CHST11: variants seen among roughly 807,000 people sequenced by gnomAD.
The protein encoded by CHST11 is C4S-1.
A neutral mutation model predicts 30.4 loss-of-function variants in CHST11; 9 were observed. That is an observed-to-expected ratio of 0.30 (90% confidence interval 0.18 to 0.52). CHST11 has a LOEUF of 0.52. CHST11 is among the 20% of genes least tolerant of loss of function. CHST11 has a pLI of 0.97. For missense variants in CHST11, 348 were observed against 460.6 expected (o/e 0.76, Z 2.24); for synonymous variants, 152 against 187.8 (o/e 0.81, Z 1.56).
chr12:104,687,257 C>T (rs917819743), intron 2 of CHST11, among the ~76,000 whole-genome samples: 5 of 152,264 alleles, frequency 3.3e-5, no homozygotes, highest in African/African-American at 9.6e-5. Context: ...ACCTTGTTCT[C>T]ATTTGGGTGG....
At chr12:104,499,830 T>C (rs2037835425) in intron 1 of CHST11, among the ~76,000 whole-genome samples, 1 of 152,200 alleles carries the variant, frequency 6.6e-6, no homozygotes, top group African/African-American at 2.4e-5. Context: ...CTGCCCCCTG[T>C]GGCCATGGGA....
chr12:104,546,461 C>CAAAA (rs760073702), intron 1 of CHST11, among the ~76,000 whole-genome samples: 2 of 66,816 alleles, frequency 3.0e-5, no homozygotes, highest in Admixed American at 1.7e-4. Context: ...GACCCTGTCT[C>CAAAA]AAAAAAAAAA....
chr12:104,526,466 C>G (rs1425019251), intron 1 of CHST11, among the ~76,000 whole-genome samples: 1 of 152,178 alleles, frequency 6.6e-6, no homozygotes, highest in South Asian at 2.1e-4. Context: ...ATTGATGGCC[C>G]TTCTGGCATG....
At chr12:104,609,848 A>G (rs1005010512) in intron 2 of CHST11, among the ~76,000 whole-genome samples, 1 of 152,160 alleles carries the variant, frequency 6.6e-6, no homozygotes, top group African/African-American at 2.4e-5. Context: ...GCTCTGTAAT[A>G]TAGGCTCAGA....
At chr12:104,680,161 T>G (rs930487238) in intron 2 of CHST11, among the ~76,000 whole-genome samples, 3 of 152,214 alleles carry the variant, frequency 2.0e-5, no homozygotes, top group Non-Finnish European at 2.9e-5. Flanking sequence ...AGGGGCATAC[T>G]TTCTGGTTGA....
intron 1 of CHST11, among the ~76,000 whole-genome samples, chr12:104,494,683 T>C (rs1395036463): frequency 6.6e-6 from 1 of 152,158 alleles, no homozygotes; most frequent in Non-Finnish European, 1.5e-5. Context: ...GAATAATAAC[T>C]GTGGGGTGGG....
intron 1 of CHST11, among the ~76,000 whole-genome samples, chr12:104,500,322 A>C (rs2037840800): frequency 6.6e-6 from 1 of 152,048 alleles, no homozygotes; most frequent in African/African-American, 2.4e-5. Flanking sequence ...GTTTTTTTAC[A>C]TTGGGAGGTA....
intron 1 of CHST11, among the ~76,000 whole-genome samples, chr12:104,508,378 G>T (rs1460560650): frequency 2.0e-5 from 3 of 152,176 alleles, no homozygotes; most frequent in African/African-American, 7.2e-5. Flanking sequence ...CTCTGCCAGG[G>T]TTGTCGTGTG....
intron 1 of CHST11, among the ~76,000 whole-genome samples, chr12:104,593,257 A>T (rs1057230176): frequency 6.6e-6 from 1 of 152,206 alleles, no homozygotes; most frequent in Non-Finnish European, 1.5e-5. Context: ...GATTATTCTC[A>T]AATCAAATCA....
chr12:104,583,104 T>G (rs924812616), intron 1 of CHST11, among the ~76,000 whole-genome samples: 6 of 152,198 alleles, frequency 3.9e-5, no homozygotes, highest in Admixed American at 6.5e-5. Flanking sequence ...TGTTGTATAC[T>G]GGGGCCATGC....
chr12:104,592,059 G>T (rs1207268178), intron 1 of CHST11, among the ~76,000 whole-genome samples: 1 of 151,714 alleles, frequency 6.6e-6, no homozygotes, highest in Non-Finnish European at 1.5e-5. Flanking sequence ...GGGATGAGGT[G>T]GTTTAATCTT....
At chr12:104,638,445 C>A (rs1016863784) in intron 2 of CHST11, among the ~76,000 whole-genome samples, 3 of 152,138 alleles carry the variant, frequency 2.0e-5, no homozygotes, top group African/African-American at 7.2e-5. Flanking sequence ...CTTGACTCAA[C>A]CTGAACTCCT....
intron 1 of CHST11, among the ~76,000 whole-genome samples, chr12:104,547,178 G>T (rs184258398): frequency 4.6e-5 from 7 of 152,210 alleles, no homozygotes; most frequent in Non-Finnish European, 7.3e-5. Flanking sequence ...GGTACAAATC[G>T]TAAGATCTTC....
intron 2 of CHST11, among the ~76,000 whole-genome samples, chr12:104,740,952 C>G (rs1483502478): frequency 6.6e-6 from 1 of 152,236 alleles, no homozygotes; most frequent in Non-Finnish European, 1.5e-5. Flanking sequence ...GGCCGTCCTT[C>G]TTGAAAGAGG....
intron 2 of CHST11, among the ~76,000 whole-genome samples, chr12:104,615,791 G>A (rs900347525): frequency 6.6e-6 from 1 of 152,178 alleles, no homozygotes; most frequent in Non-Finnish European, 1.5e-5. Flanking sequence ...AGCCAGGCGT[G>A]GTGGCGGGCA....
chr12:104,587,661 G>C (rs1054797191), intron 1 of CHST11, among the ~76,000 whole-genome samples: 25 of 152,166 alleles, frequency 1.6e-4, no homozygotes, highest in Non-Finnish European at 3.5e-4. Flanking sequence ...GCCTTCCAAA[G>C]TGCTGGGATT....
At chr12:104,484,185 C>T (rs1185887049) in intron 1 of CHST11, among the ~76,000 whole-genome samples, 1 of 152,180 alleles carries the variant, frequency 6.6e-6, no homozygotes, top group Non-Finnish European at 1.5e-5. Context: ...GACAAGTCAT[C>T]TTTCAGTGGG....
At position 104,602,108 on chromosome 12, in the gene CHST11, T is replaced by C. The variant is rs569472232; in HGVS notation, c.204+117T>C. 8.3e-5 allele frequency: 59 copies of C among 714,286 alleles called. No homozygotes were observed. The African/African-American group carries it at 9.7e-4, about 12-fold the overall frequency. The allele number at this position is 714,286 out of a possible 1,614,324, so 44.2% of individuals were successfully genotyped here. A position where few individuals can be genotyped will look rare whatever the true frequency, so the allele number is the denominator to read the frequency against. ...AAAACTTCCTTTCACAGCCTGGCATTTTACCTTCAGTGGTTGCTTTCTCCG... is the reference window on the plus strand; with the variant it reads ...AAAACTTCCTTTCACAGCCTGGCATCTTACCTTCAGTGGTTGCTTTCTCCG... On this transcript the variant is annotated intron_variant, in intron 2 of 2. Transcript: ENST00000303694.
At position 104,684,779 on chromosome 12, in the gene CHST11, C is replaced by G. The variant is rs540905877; in HGVS notation, c.205-72170C>G. On this transcript the variant is annotated intron_variant, in intron 2 of 2. Coordinates refer to ENST00000303694, the MANE Select transcript of CHST11 (RefSeq NM_018413.6). Reference sequence around the variant, plus strand: ...GACCAGTCTAGTCTCGAACTCCTGACCTCAAGTGGTCTGCCCGCCTCGGCC... The same window carrying G: ...GACCAGTCTAGTCTCGAACTCCTGAGCTCAAGTGGTCTGCCCGCCTCGGCC... 8.5e-5 allele frequency among the ~76,000 whole-genome samples: 13 copies of G among 152,270 alleles called. No individual in the cohort carries two copies. The South Asian group carries it at 2.7e-3, about 32-fold the overall frequency.
Sources: allele counts gnomAD v4.1 joint callset (sites outside exome capture counted in the v4.1 genomes callset), GRCh38; gene constraint gnomAD v4.1.1; transcripts MANE v1.5; gene names NCBI Gene and HGNC (gene_info 2026-07-23, HGNC 2026-07-21).